Variants in PTPRM observed in about 807,000 individuals in gnomAD.
PTPRM encodes the protein protein tyrosine phosphatase receptor type M, also known as receptor-type tyrosine-protein phosphatase mu.
Under a neutral mutation model 186.7 loss-of-function variants are expected in PTPRM, and 47 were observed. The observed-to-expected ratio is 0.25, with a 90% CI of 0.20 to 0.32. PTPRM has a LOEUF of 0.32. Ranked by LOEUF, PTPRM falls within the 10% of genes least tolerant of loss-of-function variation. The probability of loss-of-function intolerance (pLI) is 1.00; values close to 1 mark genes in which losing one functional copy is unlikely to be tolerated. For missense variants in PTPRM, 1,494 were observed against 1,865.0 expected, an observed-to-expected ratio of 0.80 and a Z score of 3.66; for synonymous variants, 668 against 674.9, an observed-to-expected ratio of 0.99 and a Z score of 0.16.
At chr18:8,109,188 A>G (rs1423950574) in intron 11 of PTPRM, among the ~76,000 whole-genome samples, 1 of 152,234 alleles carries the variant, frequency 6.6e-6, no homozygotes, top group Non-Finnish European at 1.5e-5. Context: ...CTATTGACCT[A>G]GGTGCTAATA....
intron 7 of PTPRM, among the ~76,000 whole-genome samples, chr18:8,044,381 G>GCTT (rs1200902403): frequency 4.6e-5 from 7 of 152,182 alleles, no homozygotes; most frequent in African/African-American, 1.7e-4. Context: ...ATCCCTAGGT[G>GCTT]GGAGTGCAGA....
intron 1 of PTPRM, among the ~76,000 whole-genome samples, chr18:7,742,136 G>A (rs1470142205): frequency 6.6e-6 from 1 of 152,098 alleles, no homozygotes; most frequent in Non-Finnish European, 1.5e-5. Flanking sequence ...GGGAAAAGGT[G>A]GTATATGGTA....
chr18:8,206,177 G>A (rs1206024786), intron 14 of PTPRM, among the ~76,000 whole-genome samples: 1 of 152,146 alleles, frequency 6.6e-6, no homozygotes, highest in Non-Finnish European at 1.5e-5. Flanking sequence ...AGTAGAAGCA[G>A]AGAGAAATGC....
intron 7 of PTPRM, among the ~76,000 whole-genome samples, chr18:8,002,134 C>A (rs2083912980): frequency 6.6e-6 from 1 of 152,150 alleles, no homozygotes; most frequent in Non-Finnish European, 1.5e-5. Flanking sequence ...ATTTATGAAG[C>A]ACTCCCCCAA....
chr18:8,285,730 G>A (rs1425030119), intron 19 of PTPRM, among the ~76,000 whole-genome samples: 2 of 152,154 alleles, frequency 1.3e-5, no homozygotes, highest in East Asian at 1.9e-4. Context: ...GGTGGCTCAC[G>A]ACTGTAATCC....
intron 13 of PTPRM, among the ~76,000 whole-genome samples, chr18:8,118,279 G>A (rs1033438864): frequency 6.6e-6 from 1 of 152,122 alleles, no homozygotes; most frequent in Non-Finnish European, 1.5e-5. Flanking sequence ...CTTTCCTGTT[G>A]TTCATTTAAA....
At chr18:8,042,899 C>G (rs2086782038) in intron 7 of PTPRM, among the ~76,000 whole-genome samples, 1 of 152,182 alleles carries the variant, frequency 6.6e-6, no homozygotes, top group Non-Finnish European at 1.5e-5. Flanking sequence ...GTACTCATCG[C>G]CAAGACAGTT....
At chr18:7,582,710 G>A (rs921296589) in intron 1 of PTPRM, among the ~76,000 whole-genome samples, 10 of 152,222 alleles carry the variant, frequency 6.6e-5, no homozygotes, top group African/African-American at 9.7e-5. Flanking sequence ...GAAGAACTGC[G>A]TTCAAGGGCC....
intron 6 of PTPRM, among the ~76,000 whole-genome samples, chr18:7,951,927 A>C (rs180856608): frequency 6.6e-6 from 1 of 152,318 alleles, no homozygotes; most frequent in Admixed American, 6.5e-5. Flanking sequence ...AGAGTTTTTA[A>C]CCTTTTAAGG....
intron 1 of PTPRM, among the ~76,000 whole-genome samples, chr18:7,690,142 A>G (rs1288950594): frequency 6.6e-6 from 1 of 152,210 alleles, no homozygotes; most frequent in East Asian, 1.9e-4. Flanking sequence ...TGATCTGTAT[A>G]TCATCAAAGC....
At chr18:8,052,019 C>T (rs1048688114) in intron 7 of PTPRM, among the ~76,000 whole-genome samples, 4 of 152,092 alleles carry the variant, frequency 2.6e-5, no homozygotes, top group African/African-American at 9.7e-5. Context: ...TCTGAAAAAA[C>T]ACTCCTCCAA....
At chr18:7,693,846 G>A (rs2039785687) in intron 1 of PTPRM, among the ~76,000 whole-genome samples, 1 of 151,966 alleles carries the variant, frequency 6.6e-6, no homozygotes, top group Non-Finnish European at 1.5e-5. Flanking sequence ...TGGGGTTGGG[G>A]CACTGGGGTG....
intron 14 of PTPRM, among the ~76,000 whole-genome samples, chr18:8,243,791 CAG>C (rs2094453216): frequency 1.3e-5 from 2 of 152,084 alleles, no homozygotes; most frequent in Admixed American, 6.5e-5. Context: ...ATAGGAGAAA[CAG>C]TGTTTTAGGC....
intron 19 of PTPRM, among the ~76,000 whole-genome samples, chr18:8,253,701 T>A (rs9807436): frequency 4.0e-5 from 6 of 151,876 alleles, no homozygotes; most frequent in Admixed American, 3.3e-4. Flanking sequence ...TTTTCAATCC[T>A]CATTTGATTG....
chr18:7,903,079 A>G (rs2049786433), intron 3 of PTPRM, among the ~76,000 whole-genome samples: 1 of 152,230 alleles, frequency 6.6e-6, no homozygotes, highest in African/African-American at 2.4e-5. Context: ...AAATTTCAAT[A>G]TGAAAGATAG....
rs1425266656 is a variant in PTPRM at position 8,371,010 on chromosome 18, A to T, written c.3171+4A>T. On this transcript the variant is annotated splice_donor_region_variant and intron_variant, in intron 24 of 32. Coordinates refer to ENST00000580170, the MANE Select transcript of PTPRM (RefSeq NM_001105244.2). ...AAGAACATTTGCTGTTGAAAAGGTA[A>T]GTTTTCATACTGCTTTTAAAAGCTA... The T allele has an allele frequency of 6.5e-7, 1 of 1,530,568 alleles. No homozygotes were observed. The highest frequency in any genetic ancestry group is 1.7e-5 in the Admixed American group (1 of 58,866). 94.8% of individuals were successfully genotyped at this position (1,530,568 alleles called of 1,614,324 possible).
At chr18:7,711,328 C>A (rs1274539162) in intron 1 of PTPRM, among the ~76,000 whole-genome samples, 4 of 152,316 alleles carry the variant, frequency 2.6e-5, no homozygotes, top group African/African-American at 9.6e-5. Flanking sequence ...TCATCGTCTT[C>A]ACAACCCACA....
intron 2 of PTPRM, among the ~76,000 whole-genome samples, chr18:7,824,460 G>A (rs923971816): frequency 6.6e-6 from 1 of 152,040 alleles, no homozygotes; most frequent in African/African-American, 2.4e-5. Flanking sequence ...TTCCTCAGTA[G>A]CATTTTCTTT....
At chr18:8,229,431 T>G (rs550963939) in intron 14 of PTPRM, among the ~76,000 whole-genome samples, 2 of 152,214 alleles carry the variant, frequency 1.3e-5, no homozygotes, top group African/African-American at 4.8e-5. Context: ...TAGAAAACTT[T>G]AGGTACTCGT....
Sources: allele counts gnomAD v4.1 joint callset (sites outside exome capture counted in the v4.1 genomes callset), GRCh38; gene constraint gnomAD v4.1.1; transcripts MANE v1.5; gene names NCBI Gene and HGNC (gene_info 2026-07-23, HGNC 2026-07-21).